LRMDA: variants seen among roughly 807,000 people sequenced by gnomAD.
LRMDA encodes the protein leucine rich melanocyte differentiation associated.
In LRMDA, 18 loss-of-function variants were observed where a neutral mutation model predicts 29.8. The ratio of observed to expected loss-of-function variants is 0.60; its 90% CI spans 0.42 to 0.90. LRMDA has a LOEUF of 0.90. Among genes scored for constraint, LRMDA ranks in the 40% least tolerant of loss-of-function variants. The pLI, the probability that LRMDA is intolerant of heterozygous loss-of-function variation, is 0.00. For synonymous variants in LRMDA, 125 were observed against 109.4 expected (o/e 1.14, Z -0.89); for missense variants, 273 against 273.9 (o/e 1.00, Z 0.02).
intron 6 of LRMDA, among the ~76,000 whole-genome samples, chr10:76,423,881 G>T (rs1407345717): frequency 6.6e-6 from 1 of 152,146 alleles, no homozygotes; most frequent in Non-Finnish European, 1.5e-5. Flanking sequence ...GCCCCAAGGG[G>T]TGAGGGGAGG....
intron 2 of LRMDA, among the ~76,000 whole-genome samples, chr10:75,795,172 G>A (rs1589207515): frequency 6.6e-6 from 1 of 152,096 alleles, no homozygotes; most frequent in East Asian, 1.9e-4. Context: ...GAGGCAGGTG[G>A]ATCACGAGGT....
chr10:76,239,090 A>G (rs1043716690), intron 5 of LRMDA, among the ~76,000 whole-genome samples: 2 of 152,262 alleles, frequency 1.3e-5, no homozygotes, highest in Middle Eastern at 3.4e-3. Flanking sequence ...TTGGTGACGT[A>G]CAAATTTTAG....
rs543598731 is a variant in LRMDA, at chr10:76,003,594, G to A, written c.132-32414G>A. On this transcript the variant is annotated intron_variant, in intron 2 of 6. Transcript: ENST00000611255. ...AGCAGGTAATAAAATTAGTAGTCCC[G>A]GGTGGAAGTGGCAGGACAGGTTGCA... 5.3e-5 allele frequency among the ~76,000 whole-genome samples: 8 copies of A among 152,318 alleles called. No individual in the cohort carries two copies. The South Asian group carries it at 8.3e-4, about 16-fold the overall frequency.
chr10:76,336,882 C>A (rs1381339093), intron 6 of LRMDA, among the ~76,000 whole-genome samples: 2 of 152,134 alleles, frequency 1.3e-5, no homozygotes, highest in African/African-American at 4.8e-5. Flanking sequence ...ATACAACCAT[C>A]CTCCTACACA....
intron 5 of LRMDA, among the ~76,000 whole-genome samples, chr10:76,228,090 T>A (rs1245896217): frequency 6.6e-6 from 1 of 151,774 alleles, no homozygotes; most frequent in African/African-American, 2.4e-5. Context: ...GGTGTGATCT[T>A]TGCTCACTGC....
intron 2 of LRMDA, among the ~76,000 whole-genome samples, chr10:75,720,745 G>A (rs776618810): frequency 3.3e-5 from 5 of 152,206 alleles, no homozygotes; most frequent in Non-Finnish European, 5.9e-5. Context: ...TGGGTGACTA[G>A]AGTTGGCTCT....
At chr10:76,489,594 C>T (rs74653725) in intron 6 of LRMDA, among the ~76,000 whole-genome samples, 2,807 of 151,770 alleles carry the variant, frequency 0.018, 77 homozygotes, top group African/African-American at 0.064. Flanking sequence ...TTCTTTAAGA[C>T]GCATCCTTAG....
chr10:76,230,115 T>C (rs973806711), intron 5 of LRMDA, among the ~76,000 whole-genome samples: 3 of 152,028 alleles, frequency 2.0e-5, no homozygotes, highest in Non-Finnish European at 4.4e-5. Flanking sequence ...GATGTCTGAC[T>C]GCCTACCTAC....
chr10:76,187,307 C>A (rs1851167349), intron 5 of LRMDA, among the ~76,000 whole-genome samples: 1 of 152,100 alleles, frequency 6.6e-6, no homozygotes, highest in Non-Finnish European at 1.5e-5. Flanking sequence ...AACCTTGAAT[C>A]AGATTCTTTA....
chr10:76,472,985 C>T (rs1035023714), intron 6 of LRMDA, among the ~76,000 whole-genome samples: 33 of 151,548 alleles, frequency 2.2e-4, no homozygotes, highest in Non-Finnish European at 1.3e-4. Context: ...ACAAAGTCTT[C>T]CCAAAATAGA....
At chr10:75,610,091 GC>G (rs1360393768) in intron 2 of LRMDA, among the ~76,000 whole-genome samples, 2 of 152,056 alleles carry the variant, frequency 1.3e-5, no homozygotes, top group African/African-American at 4.8e-5. Flanking sequence ...AAGAAATACA[GC>G]TTTATCACTT....
intron 2 of LRMDA, among the ~76,000 whole-genome samples, chr10:75,801,129 A>T (rs907512630): frequency 6.6e-6 from 1 of 152,236 alleles, no homozygotes; most frequent in African/African-American, 2.4e-5. Context: ...TGGACAGCTT[A>T]TGAAATATTT....
chr10:76,552,178 T>C (rs1474097640), intron 6 of LRMDA, among the ~76,000 whole-genome samples: 2 of 152,370 alleles, frequency 1.3e-5, no homozygotes, highest in Middle Eastern at 3.4e-3. Context: ...TGCATTTTTG[T>C]ATTTTTATAT....
chr10:75,878,753 C>T (rs528133784), intron 2 of LRMDA, among the ~76,000 whole-genome samples: 1 of 152,140 alleles, frequency 6.6e-6, no homozygotes, highest in Non-Finnish European at 1.5e-5. Flanking sequence ...TCCCTGCCCC[C>T]TCCTGTATCA....
intron 5 of LRMDA, among the ~76,000 whole-genome samples, chr10:76,164,928 G>T (rs1564672324): frequency 3.9e-5 from 6 of 152,116 alleles, no homozygotes. Flanking sequence ...TCTCATGTGA[G>T]ACTACGTAAT....
chr10:76,451,285 T>G (rs1024354764), intron 6 of LRMDA, among the ~76,000 whole-genome samples: 1 of 151,784 alleles, frequency 6.6e-6, no homozygotes, highest in Non-Finnish European at 1.5e-5. Flanking sequence ...CACTGCAAGC[T>G]CTGCCTCCCA....
At chr10:75,606,712 T>C (rs1410339245) in intron 2 of LRMDA, among the ~76,000 whole-genome samples, 1 of 152,182 alleles carries the variant, frequency 6.6e-6, no homozygotes, top group Non-Finnish European at 1.5e-5. Context: ...TTGGCATGTC[T>C]CTTTATATTG....
intron 3 of LRMDA, among the ~76,000 whole-genome samples, chr10:76,044,975 T>C (rs1386276562): frequency 2.0e-5 from 3 of 150,712 alleles, no homozygotes; most frequent in African/African-American, 7.3e-5. Context: ...CTTCTCTTGC[T>C]ACTTTCCCCT....
chr10:75,959,975 A>G (rs1846734824), intron 2 of LRMDA, among the ~76,000 whole-genome samples: 1 of 152,242 alleles, frequency 6.6e-6, no homozygotes, highest in Non-Finnish European at 1.5e-5. Flanking sequence ...ACCATCCAGT[A>G]GAATTCTAAC....
Sources: gnomAD v4.1 joint callset for allele counts (sites outside exome capture counted in the v4.1 genomes callset) on GRCh38, gnomAD v4.1.1 for gene constraint, MANE v1.5 for transcripts, NCBI Gene and HGNC (gene_info 2026-07-23, HGNC 2026-07-21) for gene names.